The following MCM9 variants were observed in gnomAD, a reference collection of about 807,000 sequenced individuals.
MCM9 encodes the protein DNA helicase MCM9.
Under a neutral mutation model 72.8 loss-of-function variants are expected in MCM9, and 55 were observed. That is an observed-to-expected ratio of 0.76 (90% CI 0.61 to 0.95). The LOEUF (loss-of-function observed/expected upper bound fraction) is 0.95. Among genes scored for constraint, MCM9 ranks in the 40% least tolerant of loss-of-function variants. The pLI is 0.00. For synonymous variants in MCM9, 480 were observed against 503.4 expected, an observed-to-expected ratio of 0.95 and a Z score of 0.62; for missense variants, 1,279 against 1,377.0, an observed-to-expected ratio of 0.93 and a Z score of 1.13.
chr6:118,842,559 G>A (rs375730745), intron 9 of MCM9, among the ~76,000 whole-genome samples: 16 of 152,220 alleles, frequency 1.1e-4, no homozygotes, highest in Non-Finnish European at 2.1e-4. Flanking sequence ...TCACTCTGTC[G>A]CCCAGGCTGG....
intron 8 of MCM9, chr6:118,908,359 G>A (rs1780313112): frequency 6.6e-6 from 1 of 152,104 alleles, no homozygotes; most frequent in Admixed American, 6.5e-5. Context: ...AATATCGGGA[G>A]AAAATACAAA....
At chr6:118,827,787 C>A in intron 11 of MCM9, 140 bp downstream of exon 11, 1 of 741,336 alleles carries the variant, frequency 1.3e-6, no homozygotes, top group Non-Finnish European at 2.2e-6. Context: ...TCTTCTGGCT[C>A]AGAGCCTTTA....
chr6:118,889,254 C>T (rs1384015434), intron 8 of MCM9, among the ~76,000 whole-genome samples: 1 of 152,210 alleles, frequency 6.6e-6, no homozygotes, highest in East Asian at 1.9e-4. Flanking sequence ...TTTCCCCTCC[C>T]TATCCTTTCT....
intron 8 of MCM9, among the ~76,000 whole-genome samples, chr6:118,885,940 T>G (rs1269795475): frequency 6.6e-6 from 1 of 151,966 alleles, no homozygotes; most frequent in Non-Finnish European, 1.5e-5. Context: ...AAATCTAGCA[T>G]TATGTAGAAA....
chr6:118,901,034 TC>T, intron 8 of MCM9: 1 of 590,266 alleles, frequency 1.7e-6, no homozygotes, highest in East Asian at 2.8e-5. Context: ...TTTTAGGCAG[TC>T]TCTGTGTCAC....
At chr6:118,867,128 A>G (rs879549437) in intron 8 of MCM9, among the ~76,000 whole-genome samples, 3 of 152,198 alleles carry the variant, frequency 2.0e-5, no homozygotes, top group Non-Finnish European at 1.5e-5. Flanking sequence ...TTCTCAAACA[A>G]AAAGTTTAAG....
At chr6:118,823,239 G>C (rs1773933611) in intron 13 of MCM9, among the ~76,000 whole-genome samples, 1 of 152,176 alleles carries the variant, frequency 6.6e-6, no homozygotes, top group African/African-American at 2.4e-5. Context: ...TGGTGGTGTA[G>C]GCTCATGAGG....
Position 118,931,351 on chromosome 6 carries a change from T to C in MCM9, c.304+69A>G, listed in dbSNP as rs1394297085. On this transcript the variant is annotated intron_variant, in intron 3 of 13. Coordinates refer to ENST00000619706, the MANE Select transcript of MCM9 (RefSeq NM_017696.3). ...AAATATCAATTATTTCTTAGTGTTC[T>C]AAATCTAGTATATTTTCTCAAAATC... 6.3e-6 allele frequency: 8 copies of C among 1,261,102 alleles called. No homozygotes were observed. The Admixed American group carries it at 1.6e-4, about 26-fold the overall frequency. 78.1% of individuals were successfully genotyped at this position (1,261,102 alleles called of 1,614,324 possible). A position where few individuals can be genotyped will look rare whatever the true frequency, so the allele number is the denominator to read the frequency against.
At position 118,815,135 on chromosome 6, in the gene MCM9, CCT is replaced by C; in HGVS notation, c.3119_3120del (p.Glu1040GlyfsTer5). 1 of 1,550,602 alleles carries C rather than the reference CCT, an allele frequency of 6.4e-7. No homozygotes were observed. Among genetic ancestry groups the C allele is most frequent in the Non-Finnish European group, 8.7e-7 (1 of 1,146,992 alleles). On this transcript the variant is annotated frameshift_variant, in exon 14 of 14. Transcript: ENST00000619706. LOFTEE classifies it low-confidence loss of function (END_TRUNC). ...HLTCEGDKKE[E>X]VSGSNKSGKV... ...TTGCCGCTTTTATTACTGCCTGAAA[CCT>C]CTTCCTTTTTGTCTCCCTCACAAGT...
chr6:118,833,154 C>T (rs2819704), intron 9 of MCM9, among the ~76,000 whole-genome samples: 145,193 of 152,232 alleles, frequency 0.95, 69,477 homozygotes, highest in East Asian at 0.99. Flanking sequence ...GAGCAGAGCA[C>T]ACCACCCTCA....
intron 3 of MCM9, among the ~76,000 whole-genome samples, chr6:118,925,905 T>A (rs573935958): frequency 4.6e-4 from 70 of 151,904 alleles, no homozygotes; most frequent in African/African-American, 1.6e-3. Flanking sequence ...ATGAATACTT[T>A]AAAAAAAATA....
chr6:118,855,214 C>T (rs1465859926), intron 9 of MCM9, among the ~76,000 whole-genome samples: 2 of 152,180 alleles, frequency 1.3e-5, no homozygotes, highest in Non-Finnish European at 2.9e-5. Context: ...TCTGAAGACA[C>T]TTAATAAACT....
intron 9 of MCM9, among the ~76,000 whole-genome samples, chr6:118,852,948 C>T (rs1323565205): frequency 6.6e-6 from 1 of 152,140 alleles, no homozygotes; most frequent in Non-Finnish European, 1.5e-5. Context: ...TAAGATTCAT[C>T]CACGTTGTTG....
chr6:118,875,427 ATG>A (rs1777873657), intron 8 of MCM9, among the ~76,000 whole-genome samples: 1 of 152,052 alleles, frequency 6.6e-6, no homozygotes, highest in Non-Finnish European at 1.5e-5. Flanking sequence ...CTTGAGCAAT[ATG>A]TGTTTCAATA....
Position 118,828,064 on chromosome 6 carries a change from C to G in MCM9, c.1595G>C (p.Arg532Thr), listed in dbSNP as rs1276993229. The G allele has an allele frequency of 6.4e-7, 1 of 1,550,660 alleles. No homozygotes were observed. The highest frequency in any genetic ancestry group is 2.4e-5 in the East Asian group (1 of 40,922). Residue 532 changes from arginine (R) to threonine (T), a missense_variant, in exon 11 of 14, where the codon AGG becomes ACG. Coordinates refer to ENST00000619706, the MANE Select transcript of MCM9 (RefSeq NM_017696.3). ...EKMKTYFCLI[R>T]NLQPTLSDVG... is the part of the protein sequence containing the mutation. ...ATCAGACAGTGTGGGCTGCAGATTCCTTATGAGGCAGAAATAGGTTTTCAT... is the reference window on the plus strand; with the variant it reads ...ATCAGACAGTGTGGGCTGCAGATTCGTTATGAGGCAGAAATAGGTTTTCAT...
intron 8 of MCM9, among the ~76,000 whole-genome samples, chr6:118,894,806 C>T (rs985587107): frequency 6.6e-6 from 1 of 152,200 alleles, no homozygotes; most frequent in Non-Finnish European, 1.5e-5. Flanking sequence ...GCTCGGAGAC[C>T]CGCACTCGCT....
intron 8 of MCM9, among the ~76,000 whole-genome samples, chr6:118,894,853 C>A (rs1406138488): frequency 6.6e-6 from 1 of 152,126 alleles, no homozygotes; most frequent in African/African-American, 2.4e-5. Context: ...GGGCTGGCTC[C>A]GCGCCGCCAA....
At chr6:118,901,376 C>T (rs538268156) in intron 8 of MCM9, among the ~76,000 whole-genome samples, 6 of 152,210 alleles carry the variant, frequency 3.9e-5, no homozygotes, top group African/African-American at 9.6e-5. Context: ...TTAACAGATA[C>T]GTTTAGTGGA....
chr6:118,894,330 C>T (rs1583571745), intron 8 of MCM9: 7 of 1,526,656 alleles, frequency 4.6e-6, no homozygotes, highest in Non-Finnish European at 6.1e-6. Context: ...GAGCGGGGGT[C>T]TGCGCTCTCC....
Sources: allele counts gnomAD v4.1 joint callset (sites outside exome capture counted in the v4.1 genomes callset), GRCh38; gene constraint gnomAD v4.1.1; transcripts MANE v1.5; gene names NCBI Gene and HGNC (gene_info 2026-07-23, HGNC 2026-07-21).